PLXNC1: variants seen among roughly 807,000 people sequenced by gnomAD.
The protein encoded by PLXNC1 is plexin-C1.
A neutral mutation model predicts 178.2 loss-of-function variants in PLXNC1; 75 were observed. That is an observed-to-expected ratio of 0.42 (90% CI 0.35 to 0.51). The LOEUF (loss-of-function observed/expected upper bound fraction) is 0.51. Ranked by LOEUF, PLXNC1 falls within the 20% of genes least tolerant of loss-of-function variation. PLXNC1 has a pLI of 0.02. For synonymous variants in PLXNC1, 790 were observed against 779.9 expected (o/e 1.01, Z -0.22); for missense variants, 1,503 against 1,984.4 (o/e 0.76, Z 4.61).
At chr12:94,211,691 A>G (rs1004939739) in intron 5 of PLXNC1, among the ~76,000 whole-genome samples, 3 of 152,194 alleles carry the variant, frequency 2.0e-5, no homozygotes, top group Non-Finnish European at 2.9e-5. Context: ...ACATCCTCAT[A>G]CTCACTATGG....
intron 3 of PLXNC1, among the ~76,000 whole-genome samples, chr12:94,181,963 CA>C (rs1319269596): frequency 6.6e-6 from 1 of 152,120 alleles, no homozygotes; most frequent in African/African-American, 2.4e-5. Flanking sequence ...GGGTTAATAT[CA>C]GGCCACAGTC....
intron 2 of PLXNC1, among the ~76,000 whole-genome samples, chr12:94,174,978 C>A (rs1961994099): frequency 1.3e-5 from 2 of 152,236 alleles, no homozygotes; most frequent in Non-Finnish European, 2.9e-5. Flanking sequence ...TTACTACCTA[C>A]ACTGCAATAA....
chr12:94,267,528 T>G (rs367650427), intron 21 of PLXNC1, among the ~76,000 whole-genome samples: 1 of 152,184 alleles, frequency 6.6e-6, no homozygotes, highest in African/African-American at 2.4e-5. Flanking sequence ...GAAATCCACA[T>G]AAATCTTCCT....
At chr12:94,297,167 T>C in intron 24 of PLXNC1, 22 bp from the exon 25 acceptor site, 1 of 1,612,272 alleles carries the variant, frequency 6.2e-7, no homozygotes, top group Non-Finnish European at 8.5e-7. Flanking sequence ...CTGCTTTCTC[T>C]CCCTCTTTCT....
At position 94,260,275 on chromosome 12, in the gene PLXNC1, C is replaced by G. The variant is rs1486034153; in HGVS notation, c.3252-367C>G. 6.6e-6 allele frequency among the ~76,000 whole-genome samples: 1 copy of G among 152,084 alleles called. No homozygotes were observed. The highest frequency in any genetic ancestry group is 2.4e-5 in the African/African-American group (1 of 41,410). On this transcript the variant is annotated intron_variant, in intron 19 of 30. Transcript: ENST00000258526. The surrounding 1 kb of genome is among the most constrained non-coding windows in gnomAD (Gnocchi z 4.4). The stretch of plus-strand genomic sequence containing the variant: ...GTCTTGCTATATTGCCCAGGCTGGT[C>G]TCAAACTCCTGACCTCAGGTGATCT...
chr12:94,207,372 C>G (rs781234906), intron 4 of PLXNC1, among the ~76,000 whole-genome samples: 1 of 151,312 alleles, frequency 6.6e-6, no homozygotes, highest in East Asian at 1.9e-4. Flanking sequence ...AAAATGGAAA[C>G]CTCACCCCCA....
At position 94,305,374 on chromosome 12, in the gene PLXNC1, G is replaced by GTTGT; in HGVS notation, c.*93_*96dup. The GTTGT allele has an allele frequency of 2.7e-6, 2 of 740,442 alleles. No individual in the cohort carries two copies. Among genetic ancestry groups the GTTGT allele is most frequent in the Non-Finnish European group, 4.6e-6 (2 of 433,012 alleles). The allele number at this position is 740,442 out of a possible 1,614,324, so 45.9% of individuals were successfully genotyped here. ...TTGAGCTACTCTGTGTCGTTAATTT[G>GTTGT]TTGTTTGCACATAGGTTCCACTTTG... On this transcript the variant is annotated 3_prime_UTR_variant, in exon 31 of 31. Transcript: ENST00000258526.
At chr12:94,184,387 A>G (rs1211833928) in intron 3 of PLXNC1, among the ~76,000 whole-genome samples, 2 of 151,528 alleles carry the variant, frequency 1.3e-5, no homozygotes, top group East Asian at 3.9e-4. Flanking sequence ...CAGCCTCCCA[A>G]AGTGCTGGGA....
intron 7 of PLXNC1, 23 bp downstream of exon 7, chr12:94,224,338 A>T: frequency 8.4e-7 from 1 of 1,186,036 alleles, no homozygotes; most frequent in Non-Finnish European, 1.3e-6. Context: ...TTGAAATTTG[A>T]ATATTCTCTC....
rs568384351 is a variant in PLXNC1 at position 94,157,235 on chromosome 12, G to A, written c.1062+7202G>A. Among the ~76,000 whole-genome samples, 31 of 152,328 alleles carry A rather than the reference G, an allele frequency of 2.0e-4. No individual in the cohort carries two copies. The South Asian group carries it at 4.1e-3, about 20-fold the overall frequency. On this transcript the variant is annotated intron_variant, in intron 1 of 30. Coordinates refer to ENST00000258526, the MANE Select transcript of PLXNC1 (RefSeq NM_005761.3). ...CATGCAATTGTCCCCAGCAGGTGCT[G>A]CAGGTGGATTCCCTTAGAACAGGAT...
At chr12:94,202,286 T>G (rs1450497918) in intron 4 of PLXNC1, among the ~76,000 whole-genome samples, 2 of 152,246 alleles carry the variant, frequency 1.3e-5, no homozygotes, top group African/African-American at 4.8e-5. Flanking sequence ...GGAACTTAAC[T>G]GGCTTATCCA....
At chr12:94,199,093 G>A (rs886381097) in intron 4 of PLXNC1, among the ~76,000 whole-genome samples, 5 of 152,154 alleles carry the variant, frequency 3.3e-5, no homozygotes, top group African/African-American at 2.4e-5. Flanking sequence ...GGCAGGGGGC[G>A]CTAAATTTAA....
At chr12:94,207,032 G>C (rs1339910452) in intron 4 of PLXNC1, among the ~76,000 whole-genome samples, 1 of 152,206 alleles carries the variant, frequency 6.6e-6, no homozygotes, top group Non-Finnish European at 1.5e-5. Context: ...GATCTGCTCT[G>C]TAAGAAATGT....
chr12:94,254,707 A>G lies in PLXNC1; in HGVS notation c.2882-80A>G, dbSNP rs1964791370. 5 of 940,896 alleles carry G rather than the reference A, an allele frequency of 5.3e-6. No individual in the cohort carries two copies. In the East Asian group the frequency reaches 9.9e-5, roughly 19 times the overall value. The allele number at this position is 940,896 out of a possible 1,614,324, so 58.3% of individuals were successfully genotyped here. On this transcript the variant is annotated intron_variant, in intron 15 of 30. Coordinates refer to ENST00000258526, the MANE Select transcript of PLXNC1 (RefSeq NM_005761.3). ...TTTTGTTTTTGTTTTTGTTTTTAAG[A>G]ACTGTAAAGATTGCTATTTGTTTTC...
chr12:94,245,138 T>C (rs1255931240), intron 12 of PLXNC1, among the ~76,000 whole-genome samples: 1 of 152,214 alleles, frequency 6.6e-6, no homozygotes, highest in Admixed American at 6.5e-5. Flanking sequence ...TCACACTGTA[T>C]CTGACTCCAG....
chr12:94,213,535 G>T (rs1464569924), intron 5 of PLXNC1, among the ~76,000 whole-genome samples: 1 of 150,460 alleles, frequency 6.6e-6, no homozygotes, highest in Non-Finnish European at 1.5e-5. Context: ...TGAGTTCTTT[G>T]TAGATTCTGG....
chr12:94,254,716 G>T (rs752832387), intron 15 of PLXNC1, 71 bp from the exon 16 acceptor site: 6 of 1,030,072 alleles, frequency 5.8e-6, no homozygotes, highest in South Asian at 1.5e-5. Flanking sequence ...GAACTGTAAA[G>T]ATTGCTATTT....
At chr12:94,189,451 G>A (rs1033790499) in intron 4 of PLXNC1, among the ~76,000 whole-genome samples, 1 of 152,108 alleles carries the variant, frequency 6.6e-6, no homozygotes, top group Non-Finnish European at 1.5e-5. Flanking sequence ...GGCCAAAGTG[G>A]GTGGATCACT....
In PLXNC1 at chr12:94,231,441, C is replaced by T. The variant is rs149178237; in HGVS notation, c.1980+4206C>T. On this transcript the variant is annotated intron_variant, in intron 9 of 30. Transcript: ENST00000258526. ...CTCACATACCAGTCCTGTGAGTGCTCGCTTTATTCTTCAGTGGCAATGGAA... is the reference window on the plus strand; with the variant it reads ...CTCACATACCAGTCCTGTGAGTGCTTGCTTTATTCTTCAGTGGCAATGGAA... Among the ~76,000 whole-genome samples the T allele has an allele frequency of 3.9e-5, 6 of 152,172 alleles. No individual in the cohort carries two copies. The East Asian group carries it at 7.7e-4, about 20-fold the overall frequency.
Sources: allele counts gnomAD v4.1 joint callset (sites outside exome capture counted in the v4.1 genomes callset), GRCh38; gene constraint gnomAD v4.1.1; non-coding constraint Gnocchi (gnomAD v3.1); transcripts MANE v1.5; gene names NCBI Gene and HGNC (gene_info 2026-07-23, HGNC 2026-07-21).